LRGUK: variants seen among roughly 807,000 people sequenced by gnomAD.
LRGUK encodes the protein leucine-rich repeat and guanylate kinase domain-containing protein.
In LRGUK, 65 loss-of-function variants were observed where a neutral mutation model predicts 76.0. The observed-to-expected ratio is 0.85, with a 90% CI of 0.70 to 1.05. The LOEUF (loss-of-function observed/expected upper bound fraction) is 1.05. LRGUK is among the 50% of genes least tolerant of loss of function. The probability of loss-of-function intolerance (pLI) is 0.00; values close to 1 mark genes in which losing one functional copy is unlikely to be tolerated. For synonymous variants in LRGUK, 268 were observed against 265.6 expected (o/e 1.01, Z -0.09); for missense variants, 758 against 732.8 (o/e 1.03, Z -0.40).
intron 11 of LRGUK, among the ~76,000 whole-genome samples, chr7:134,187,731 GA>G (rs1255247684): frequency 6.6e-6 from 1 of 152,080 alleles, no homozygotes; most frequent in Non-Finnish European, 1.5e-5. Context: ...TGACTTCCTG[GA>G]AAAGTGCCAG....
intron 5 of LRGUK, 38 bp downstream of exon 5, chr7:134,148,357 C>G (rs1487137524): frequency 8.1e-7 from 1 of 1,230,572 alleles, no homozygotes; most frequent in African/African-American, 1.5e-5. Context: ...ATTTTAAAAA[C>G]AATATAAAAA....
downstream of LRGUK, among the ~76,000 whole-genome samples, chr7:134,268,056 T>A (rs1228041148): frequency 3.3e-5 from 5 of 152,068 alleles, 1 homozygote; most frequent in South Asian, 6.2e-4. Context: ...AAGTCTTAAA[T>A]CAGTAAGCTC....
chr7:134,224,477 T>G (rs1801682096), intron 16 of LRGUK, among the ~76,000 whole-genome samples: 1 of 152,146 alleles, frequency 6.6e-6, no homozygotes, highest in African/African-American at 2.4e-5. Flanking sequence ...TACCACATGT[T>G]CTTACTTATA....
At chr7:134,173,132 A>G (rs1799328754) in intron 7 of LRGUK, among the ~76,000 whole-genome samples, 1 of 152,264 alleles carries the variant, frequency 6.6e-6, no homozygotes, top group African/African-American at 2.4e-5. Flanking sequence ...AAGATAATCC[A>G]AATGGCAGAC....
chr7:134,168,210 A>AT (rs1162860173), intron 7 of LRGUK, among the ~76,000 whole-genome samples: 1 of 151,996 alleles, frequency 6.6e-6, no homozygotes, highest in African/African-American at 2.4e-5. Flanking sequence ...AATAATAATA[A>AT]TAAAAAAAAC....
At chr7:134,152,467 G>A (rs1261315682) in intron 5 of LRGUK, among the ~76,000 whole-genome samples, 1 of 151,844 alleles carries the variant, frequency 6.6e-6, no homozygotes, top group Non-Finnish European at 1.5e-5. Context: ...ATCAGAGAAG[G>A]CAAATAAACA....
At chr7:134,269,819 A>G in the LRGUK span, among the ~76,000 whole-genome samples, 1 of 152,222 alleles carries the variant, frequency 6.6e-6, no homozygotes, top group Non-Finnish European at 1.5e-5. Flanking sequence ...AAACCAACCA[A>G]TGAAATCTAT....
At chr7:134,203,192 A>G (rs1021391397) in intron 15 of LRGUK, among the ~76,000 whole-genome samples, 1 of 151,022 alleles carries the variant, frequency 6.6e-6, no homozygotes, top group African/African-American at 2.4e-5. Flanking sequence ...TCAGAGCAAA[A>G]CTCCATCTCA....
At chr7:134,213,329 C>T (rs929500112), downstream of LRGUK, among the ~76,000 whole-genome samples, 11 of 152,014 alleles carry the variant, frequency 7.2e-5, no homozygotes, top group African/African-American at 2.7e-4. Flanking sequence ...GAAGTTATTG[C>T]TGTAGTCCAG....
At chr7:134,130,558 A>T (rs1261586512) in intron 1 of LRGUK, among the ~76,000 whole-genome samples, 1 of 152,218 alleles carries the variant, frequency 6.6e-6, no homozygotes, top group Non-Finnish European at 1.5e-5. Context: ...TATTGCACAC[A>T]TATTAATATG....
chr7:134,146,142 TGG>T (rs2116859383), intron 4 of LRGUK, among the ~76,000 whole-genome samples: 1 of 152,030 alleles, frequency 6.6e-6, no homozygotes, highest in South Asian at 2.1e-4. Flanking sequence ...GGCATGATGG[TGG>T]GAGCCTATAG....
chr7:134,158,299 T>C, intron 6 of LRGUK, 140 bp downstream of exon 6: 1 of 701,542 alleles, frequency 1.4e-6, no homozygotes, highest in East Asian at 2.8e-5. Flanking sequence ...TTTTGTTTGC[T>C]CCTTTCTTTA....
intron 10 of LRGUK, among the ~76,000 whole-genome samples, chr7:134,179,741 G>T (rs1401887939): frequency 6.6e-6 from 1 of 152,122 alleles, no homozygotes; most frequent in Non-Finnish European, 1.5e-5. Context: ...ATCATTTCTG[G>T]CTGTCAGGAA....
chr7:134,235,191 T>C (rs547679119), intron 16 of LRGUK, among the ~76,000 whole-genome samples: 1 of 152,332 alleles, frequency 6.6e-6, no homozygotes, highest in South Asian at 2.1e-4. Flanking sequence ...TCCATGTTGC[T>C]CAGTGTCTTT....
exon 19 of LRGUK, chr7:134,258,384 G>A: frequency 6.2e-7 from 1 of 1,613,924 alleles, no homozygotes; most frequent in African/African-American, 1.3e-5. Context: ...CAGTGACAGT[G>A]AGACCGAAGA....
At chr7:134,204,824 G>A (rs1800933678) in intron 15 of LRGUK, among the ~76,000 whole-genome samples, 1 of 152,168 alleles carries the variant, frequency 6.6e-6, no homozygotes, top group South Asian at 2.1e-4. Context: ...GCCAAGGAAT[G>A]GGGACCAGAT....
chr7:134,137,072 A>G lies in LRGUK; in HGVS notation c.347A>G (p.His116Arg), dbSNP rs573889935. ...GAGGAGGCTGTGGCCAAAGCACTCC[A>G]TCACTTGGGGCGCTCAGGCTCTGGG... The change falls in exon 2 of 16, where the codon CAT becomes CGT. Residue 116 changes from histidine (H) to arginine (R), a missense_variant. Coordinates refer to ENST00000645682, the Ensembl canonical transcript of LRGUK. 4.3e-6 allele frequency: 7 copies of G among 1,613,660 alleles called. No individual in the cohort carries two copies. The South Asian group carries it at 6.6e-5, about 15-fold the overall frequency.
At position 134,157,861 on chromosome 7, in the gene LRGUK, C is replaced by A. The variant is rs555240921; in HGVS notation, c.671-174C>A. ...AAAATAAAAATTGTATAAAATATGA[C>A]ATGTTCTGTATGAAAAAATATATTT... On this transcript the variant is annotated intron_variant, in intron 5 of 15. Coordinates refer to ENST00000645682, the Ensembl canonical transcript of LRGUK. Among the ~76,000 whole-genome samples the A allele has an allele frequency of 2.0e-4, 30 of 152,266 alleles. No homozygotes were observed. In the South Asian group the frequency reaches 2.5e-3, roughly 13 times the overall value.
chr7:134,269,065 C>T (rs1432704854), downstream of LRGUK, among the ~76,000 whole-genome samples: 1 of 151,884 alleles, frequency 6.6e-6, no homozygotes, highest in East Asian at 1.9e-4. Flanking sequence ...ACCAAAAAAG[C>T]CCAGGACTAG....
Sources: gnomAD v4.1 joint callset for allele counts (sites outside exome capture counted in the v4.1 genomes callset) on GRCh38, gnomAD v4.1.1 for gene constraint, MANE v1.5 for transcripts, NCBI Gene and HGNC (gene_info 2026-07-23, HGNC 2026-07-21) for gene names.